Variants in EPYC observed in about 807,000 individuals in gnomAD.
EPYC encodes the protein dermatan sulfate proteoglycan 3.
EPYC carries 28 observed loss-of-function variants against 30.1 expected under a neutral mutation model. The observed-to-expected ratio is 0.93, with a 90% CI of 0.69 to 1.28. The LOEUF is 1.28. EPYC is among the 50% of genes most tolerant of loss of function. The pLI, the probability that EPYC is intolerant of heterozygous loss-of-function variation, is 0.00. For synonymous variants in EPYC, 144 were observed against 141.4 expected (o/e 1.02, Z -0.13); for missense variants, 382 against 383.5 (o/e 1.00, Z 0.03).
At chr12:90,991,476 G>T (rs373864256) in intron 2 of EPYC, among the ~76,000 whole-genome samples, 62 of 151,776 alleles carry the variant, frequency 4.1e-4, no homozygotes, top group African/African-American at 1.5e-3. Context: ...TTTCCAAAAT[G>T]TTTTGGACAG....
intron 6 of EPYC, among the ~76,000 whole-genome samples, chr12:90,966,021 G>GT (rs1876886907): frequency 6.6e-6 from 1 of 151,856 alleles, no homozygotes; most frequent in African/African-American, 2.4e-5. Context: ...AGTTCAACTA[G>GT]TTTTTAGTGG....
chr12:90,986,667 G>A (rs1356703342), intron 2 of EPYC, among the ~76,000 whole-genome samples: 1 of 152,132 alleles, frequency 6.6e-6, no homozygotes, highest in East Asian at 1.9e-4. Context: ...CTTCAGCTGA[G>A]GCCAAGCTAG....
chr12:90,964,547 A>G (rs950471532), intron 6 of EPYC, among the ~76,000 whole-genome samples: 37 of 152,190 alleles, frequency 2.4e-4, no homozygotes, highest in African/African-American at 8.9e-4. Context: ...AGAGAAATAC[A>G]ATTTGAGGTG....
At chr12:90,968,975 C>G (rs1274237297) in intron 6 of EPYC, among the ~76,000 whole-genome samples, 1 of 150,700 alleles carries the variant, frequency 6.6e-6, no homozygotes, top group Non-Finnish European at 1.5e-5. Context: ...ACAAAAGAGA[C>G]AGATATCCAA....
intron 2 of EPYC, among the ~76,000 whole-genome samples, chr12:90,987,428 A>C (rs1877479924): frequency 6.6e-6 from 1 of 150,948 alleles, no homozygotes; most frequent in African/African-American, 2.4e-5. Context: ...AATTGGCCAG[A>C]AGCCCCTCTC....
chr12:90,994,228 A>G (rs1308662459), intron 2 of EPYC, among the ~76,000 whole-genome samples: 2 of 152,084 alleles, frequency 1.3e-5, no homozygotes, highest in Non-Finnish European at 2.9e-5. Context: ...TCATAGCCCA[A>G]ATCGAATCCC....
chr12:90,980,022 G>A (rs1403162340), intron 2 of EPYC, among the ~76,000 whole-genome samples: 1 of 152,046 alleles, frequency 6.6e-6, no homozygotes, highest in Non-Finnish European at 1.5e-5. Flanking sequence ...GAGAAGTTTG[G>A]GCACATTTTC....
chr12:90,994,446 C>A (rs1332344296), intron 2 of EPYC, among the ~76,000 whole-genome samples: 1 of 152,060 alleles, frequency 6.6e-6, no homozygotes, highest in Non-Finnish European at 1.5e-5. Flanking sequence ...TATGACTTGC[C>A]CAAGGTTATA....
chr12:90,998,456 G>C (rs1301777985), intron 2 of EPYC, among the ~76,000 whole-genome samples: 1 of 151,996 alleles, frequency 6.6e-6, no homozygotes, highest in Non-Finnish European at 1.5e-5. Context: ...TAATCAGTTT[G>C]AAATTATATT....
chr12:90,982,421 A>G (rs1185875850), intron 2 of EPYC, among the ~76,000 whole-genome samples: 1 of 152,024 alleles, frequency 6.6e-6, no homozygotes, highest in Non-Finnish European at 1.5e-5. Context: ...AAAACTCTAC[A>G]ACCATTAACA....
intron 2 of EPYC, among the ~76,000 whole-genome samples, chr12:90,986,191 G>A (rs1435790663): frequency 3.9e-5 from 6 of 151,904 alleles, no homozygotes; most frequent in African/African-American, 1.5e-4. Flanking sequence ...TCTGGGTATT[G>A]GAAGGACAAT....
At chr12:91,002,621 C>G (rs1384122772) in intron 1 of EPYC, 43 bp from the exon 2 acceptor site, 2 of 1,427,728 alleles carry the variant, frequency 1.4e-6, no homozygotes, top group African/African-American at 2.9e-5. Flanking sequence ...TAATTGATAA[C>G]TTATGAATAG....
intron 5 of EPYC, among the ~76,000 whole-genome samples, chr12:90,970,866 G>T (rs571905502): frequency 3.3e-5 from 5 of 152,318 alleles, no homozygotes; most frequent in African/African-American, 1.2e-4. Flanking sequence ...TCTCTCTAAA[G>T]AGTATTTTAC....
chr12:90,964,299 C>T lies in EPYC; in HGVS notation c.826G>A (p.Asp276Asn), dbSNP rs1253176507. 1 of 1,608,482 alleles carries T rather than the reference C, an allele frequency of 6.2e-7. No individual in the cohort carries two copies. Among genetic ancestry groups the T allele is most frequent in the South Asian group, 1.1e-5 (1 of 90,234 alleles). The change falls in exon 7 of 7, where the codon GAT (aspartate) becomes AAT (asparagine). Residue 276 changes from aspartate (D) to asparagine (N), a missense_variant. Transcript: ENST00000261172. Reference protein sequence around the residue: ...QNNNILEMHEDTFCNVKNLTY... With the variant: ...QNNNILEMHENTFCNVKNLTY... Reference sequence around the variant, plus strand: ...AAATTTTTAACATTGCAGAACGTATCTTCGTGCATTTCCAGAATGTTGTTA... The same window carrying T: ...AAATTTTTAACATTGCAGAACGTATTTTCGTGCATTTCCAGAATGTTGTTA...
chr12:90,996,955 T>C (rs1189238822), intron 2 of EPYC, among the ~76,000 whole-genome samples: 1 of 151,904 alleles, frequency 6.6e-6, no homozygotes, highest in African/African-American at 2.4e-5. Context: ...GTAGGCAAAG[T>C]TATATGAAAC....
chr12:90,989,761 C>A (rs1877540072), intron 2 of EPYC, among the ~76,000 whole-genome samples: 1 of 151,980 alleles, frequency 6.6e-6, no homozygotes, highest in South Asian at 2.1e-4. Context: ...TGGCAATATT[C>A]CATTTTTAGT....
chr12:90,979,266 T>C (rs1877269953), intron 2 of EPYC, among the ~76,000 whole-genome samples: 1 of 152,170 alleles, frequency 6.6e-6, no homozygotes, highest in African/African-American at 2.4e-5. Context: ...CCACTTTTTG[T>C]GGCCCAGTGT....
chr12:90,995,899 A>G (rs1173020924), intron 2 of EPYC, among the ~76,000 whole-genome samples: 1 of 151,926 alleles, frequency 6.6e-6, no homozygotes, highest in Non-Finnish European at 1.5e-5. Context: ...CCTGTAGATC[A>G]TCTTTAGTAA....
At chr12:90,967,174 T>C (rs1176917715) in intron 6 of EPYC, among the ~76,000 whole-genome samples, 1 of 152,082 alleles carries the variant, frequency 6.6e-6, no homozygotes, top group Non-Finnish European at 1.5e-5. Context: ...ACTTTTTCAA[T>C]TATCTTAAGG....
Sources: gnomAD v4.1 joint callset for allele counts (sites outside exome capture counted in the v4.1 genomes callset) on GRCh38, gnomAD v4.1.1 for gene constraint, MANE v1.5 for transcripts, NCBI Gene and HGNC (gene_info 2026-07-23, HGNC 2026-07-21) for gene names.